The following CDH20 variants were observed in gnomAD, a reference collection of about 807,000 sequenced individuals.
CDH20 encodes cadherin-20.
In CDH20, 29 loss-of-function variants were observed where a neutral mutation model predicts 74.2. The ratio of observed to expected loss-of-function variants is 0.39; its 90% CI spans 0.29 to 0.53. The LOEUF is 0.53. Ranked by LOEUF, CDH20 falls within the 20% of genes least tolerant of loss-of-function variation. The probability of loss-of-function intolerance (pLI) is 0.69; values close to 1 mark genes in which losing one functional copy is unlikely to be tolerated. For synonymous variants in CDH20, 469 were observed against 405.4 expected (o/e 1.16, Z -1.88); for missense variants, 988 against 1,048.3 (o/e 0.94, Z 0.79).
chr18:61,399,383 C>T (rs1313790210), intron 1 of CDH20, among the ~76,000 whole-genome samples: 1 of 152,146 alleles, frequency 6.6e-6, no homozygotes. Context: ...GTCTCATTTT[C>T]CAATTTTAAA....
At chr18:61,405,888 G>C (rs1470001690) in intron 1 of CDH20, among the ~76,000 whole-genome samples, 3 of 152,146 alleles carry the variant, frequency 2.0e-5, no homozygotes, top group Admixed American at 6.5e-5. Flanking sequence ...TAACTTCAAG[G>C]CTTCCACTGT....
chr18:61,466,049 G>T (rs1470165223), intron 1 of CDH20, among the ~76,000 whole-genome samples: 1 of 149,124 alleles, frequency 6.7e-6, no homozygotes, highest in East Asian at 1.9e-4. Flanking sequence ...AATAAGGCAA[G>T]ACCTTGTCAC....
chr18:61,416,909 T>C (rs541853139), intron 1 of CDH20, among the ~76,000 whole-genome samples: 19 of 152,320 alleles, frequency 1.2e-4, no homozygotes, highest in Non-Finnish European at 2.6e-4. Flanking sequence ...ATGATTAAAC[T>C]ATAGATATAT....
intron 1 of CDH20, among the ~76,000 whole-genome samples, chr18:61,476,915 A>T (rs1910408084): frequency 6.6e-6 from 1 of 152,214 alleles, no homozygotes; most frequent in African/African-American, 2.4e-5. Context: ...TATATATTCA[A>T]TGATCTTATC....
intron 1 of CDH20, among the ~76,000 whole-genome samples, chr18:61,469,582 T>C (rs1195712610): frequency 6.6e-6 from 1 of 152,170 alleles, no homozygotes; most frequent in Admixed American, 6.5e-5. Flanking sequence ...CTTGGTTGTG[T>C]ATGTGACCCT....
chr18:61,509,820 A>G (rs1349281260), intron 6 of CDH20, among the ~76,000 whole-genome samples: 1 of 152,102 alleles, frequency 6.6e-6, no homozygotes, highest in Non-Finnish European at 1.5e-5. Context: ...GTGGGAATGG[A>G]GGTGATAAGA....
chr18:61,450,016 T>G (rs1156586449), intron 1 of CDH20, among the ~76,000 whole-genome samples: 2 of 152,070 alleles, frequency 1.3e-5, no homozygotes, highest in Non-Finnish European at 2.9e-5. Flanking sequence ...TATCAATATT[T>G]TAGTAAACGC....
intron 7 of CDH20, among the ~76,000 whole-genome samples, chr18:61,529,932 T>G (rs542947662): frequency 2.6e-5 from 4 of 152,142 alleles, no homozygotes; most frequent in African/African-American, 9.6e-5. Context: ...GCTACCCCAC[T>G]AGAACCCAGG....
chr18:61,554,497 C>G lies in CDH20; in HGVS notation c.2208C>G (p.Asp736Glu). 1 of 1,612,850 alleles carries G rather than the reference C, an allele frequency of 6.2e-7. No individual in the cohort carries two copies. The highest frequency in any genetic ancestry group is 8.5e-7 in the Non-Finnish European group (1 of 1,179,764). Residue 736 changes from aspartate to glutamate, a missense_variant, in exon 12 of 12, where the codon GAC becomes GAG. Coordinates refer to ENST00000262717, the MANE Select transcript of CDH20 (RefSeq NM_031891.4). ...CCAAGCTCTACGAGGCCGACATGGACCTGTGGGCACCGCCCTTCGACTCCC... is the reference window on the plus strand; with the variant it reads ...CCAAGCTCTACGAGGCCGACATGGAGCTGTGGGCACCGCCCTTCGACTCCC... ...VLAKLYEADM[D>E]LWAPPFDSLQ...
intron 10 of CDH20, among the ~76,000 whole-genome samples, chr18:61,549,373 T>C (rs1913355826): frequency 6.6e-6 from 1 of 152,178 alleles, no homozygotes; most frequent in Non-Finnish European, 1.5e-5. Flanking sequence ...CCAGGAGAAA[T>C]AACAAGGTGT....
chr18:61,475,078 G>A (rs572419187), intron 1 of CDH20, among the ~76,000 whole-genome samples: 1 of 152,108 alleles, frequency 6.6e-6, no homozygotes, highest in Non-Finnish European at 1.5e-5. Flanking sequence ...ACGTTTAGCA[G>A]GTGAGTGGTC....
At chr18:61,450,703 T>C (rs372166036) in intron 1 of CDH20, among the ~76,000 whole-genome samples, 3 of 152,058 alleles carry the variant, frequency 2.0e-5, no homozygotes, top group South Asian at 4.1e-4. Flanking sequence ...AGAGATATAA[T>C]TTTTTACAAA....
chr18:61,511,294 G>T (rs1217350344), intron 6 of CDH20, among the ~76,000 whole-genome samples: 1 of 151,432 alleles, frequency 6.6e-6, no homozygotes, highest in Non-Finnish European at 1.5e-5. Context: ...AGCCCAAGAG[G>T]TCAAGGCTGC....
At chr18:61,481,702 T>G (rs1910594898) in intron 1 of CDH20, among the ~76,000 whole-genome samples, 1 of 152,134 alleles carries the variant, frequency 6.6e-6, no homozygotes, top group South Asian at 2.1e-4. Context: ...AGTATCATAT[T>G]AATTTTTTTA....
At chr18:61,527,780 C>A (rs574119628) in intron 6 of CDH20, among the ~76,000 whole-genome samples, 187 bp from the exon 7 acceptor site, 16 of 152,304 alleles carry the variant, frequency 1.1e-4, no homozygotes, top group Non-Finnish European at 1.6e-4. Context: ...AGTGTTGAAA[C>A]TGACATTAAG....
intron 10 of CDH20, among the ~76,000 whole-genome samples, chr18:61,545,767 T>C (rs952584731): frequency 1.3e-5 from 2 of 152,082 alleles, no homozygotes; most frequent in Non-Finnish European, 2.9e-5. Context: ...AAAGAGCAAA[T>C]ACAGGACCAT....
chr18:61,363,364 A>G (rs2144139093), intron 1 of CDH20, among the ~76,000 whole-genome samples: 1 of 152,284 alleles, frequency 6.6e-6, no homozygotes, highest in Admixed American at 6.5e-5. Flanking sequence ...CTGCTTAGGA[A>G]TTCTACTCTC....
At chr18:61,521,250 C>G (rs936101843) in intron 6 of CDH20, among the ~76,000 whole-genome samples, 1 of 151,270 alleles carries the variant, frequency 6.6e-6, no homozygotes, top group Non-Finnish European at 1.5e-5. Context: ...GATATCACCA[C>G]TGATCCCACA....
chr18:61,444,053 C>A (rs1909118418), intron 1 of CDH20, among the ~76,000 whole-genome samples: 2 of 152,196 alleles, frequency 1.3e-5, no homozygotes, highest in East Asian at 3.9e-4. Context: ...CTCTCTCAGA[C>A]CCTTTAGAGT....
Sources: allele counts gnomAD v4.1 joint callset (sites outside exome capture counted in the v4.1 genomes callset), GRCh38; gene constraint gnomAD v4.1.1; transcripts MANE v1.5; gene names NCBI Gene and HGNC (gene_info 2026-07-23, HGNC 2026-07-21).